GADL1: variants seen among roughly 807,000 people sequenced by gnomAD.
GADL1 encodes the protein acidic amino acid decarboxylase GADL1.
A neutral mutation model predicts 69.5 loss-of-function variants in GADL1; 71 were observed. The ratio of observed to expected loss-of-function variants is 1.02; its 90% confidence interval spans 0.84 to 1.25. The LOEUF is 1.25. GADL1 is among the 50% of genes most tolerant of loss of function. The pLI is 0.00. For synonymous variants in GADL1, 254 were observed against 214.4 expected (o/e 1.18, Z -1.62); for missense variants, 737 against 631.8 (o/e 1.17, Z -1.79).
chr3:30,764,003 C>T (rs1696206547), intron 14 of GADL1, among the ~76,000 whole-genome samples: 1 of 152,012 alleles, frequency 6.6e-6, no homozygotes. Context: ...AATATTTCTA[C>T]TAAACAAACC....
chr3:30,782,033 G>A (rs116197639), intron 13 of GADL1, among the ~76,000 whole-genome samples: 6 of 152,160 alleles, frequency 3.9e-5, no homozygotes, highest in African/African-American at 9.7e-5. Flanking sequence ...TATTGACTAG[G>A]CATCAGGACA....
At chr3:30,893,396 CTG>C (rs1416321080) in intron 1 of GADL1, among the ~76,000 whole-genome samples, 1 of 152,050 alleles carries the variant, frequency 6.6e-6, no homozygotes, top group Non-Finnish European at 1.5e-5. Flanking sequence ...GGTGAGAACA[CTG>C]AAATCCTCTC....
At chr3:30,782,726 G>A (rs916002151) in intron 13 of GADL1, among the ~76,000 whole-genome samples, 1 of 152,142 alleles carries the variant, frequency 6.6e-6, no homozygotes, top group African/African-American at 2.4e-5. Context: ...GGAGTGCCCT[G>A]ATGAAAAGTC....
At position 30,754,441 on chromosome 3, in the gene GADL1, T is replaced by C. The variant is rs147311600; in HGVS notation, c.1392+23738A>G. ...CTTAAAAGCATGAATCCTAAAGGGA[T>C]ATAGAAAAAAGCCTCATAGGAATGC... On this transcript the variant is annotated intron_variant, in intron 14 of 14. Transcript: ENST00000282538. Among the ~76,000 whole-genome samples, 155 of 152,182 alleles carry C rather than the reference T, an allele frequency of 1.0e-3. 1 individual carries two copies. The highest frequency in any genetic ancestry group is 3.5e-3 in the African/African-American group (147 of 41,534).
At chr3:30,801,184 C>T in intron 11 of GADL1, 96 bp from the exon 12 acceptor site, 4 of 879,278 alleles carry the variant, frequency 4.5e-6, no homozygotes, top group Non-Finnish European at 7.1e-6. Flanking sequence ...TATATTCTAC[C>T]TGTGCCAAGT....
chr3:30,865,918 T>A (rs1489929397), intron 1 of GADL1, among the ~76,000 whole-genome samples: 1 of 151,926 alleles, frequency 6.6e-6, no homozygotes, highest in Non-Finnish European at 1.5e-5. Context: ...TACCAATTCC[T>A]CCCCTCCATA....
At chr3:30,828,987 G>A (rs1697740112) in intron 11 of GADL1, among the ~76,000 whole-genome samples, 1 of 151,524 alleles carries the variant, frequency 6.6e-6, no homozygotes, top group Admixed American at 6.6e-5. Context: ...TACCTGTTGA[G>A]TTTTTTTTAA....
intron 9 of GADL1, among the ~76,000 whole-genome samples, chr3:30,836,046 T>C (rs1697868151): frequency 6.6e-6 from 1 of 152,052 alleles, no homozygotes; most frequent in Non-Finnish European, 1.5e-5. Flanking sequence ...TTTTCTTGAC[T>C]TTCATTACAT....
chr3:30,795,548 A>T (rs1457700807), intron 12 of GADL1, among the ~76,000 whole-genome samples: 1 of 152,162 alleles, frequency 6.6e-6, no homozygotes. Flanking sequence ...ATTTACTGCC[A>T]TACCACTGCA....
intron 14 of GADL1, among the ~76,000 whole-genome samples, chr3:30,740,960 TTATATATTATATATTAA>T (rs941652968): frequency 2.2e-5 from 3 of 134,868 alleles, no homozygotes; most frequent in South Asian, 2.2e-4. Flanking sequence ...AATATATTTA[TTATATATTATATATTAA>T]TATATATTAT....
At chr3:30,800,567 G>GC (rs1697137559) in intron 12 of GADL1, 1 of 293,926 alleles carries the variant, frequency 3.4e-6, no homozygotes, top group Admixed American at 4.8e-5. Flanking sequence ...CACTAGAGAA[G>GC]CCCTCCTGAT....
At chr3:30,888,337 A>C (rs1388998455) in intron 1 of GADL1, among the ~76,000 whole-genome samples, 1 of 152,134 alleles carries the variant, frequency 6.6e-6, no homozygotes, top group Non-Finnish European at 1.5e-5. Context: ...GAGTGTACAA[A>C]ATAATATTTG....
chr3:30,894,495 T>C, intron 1 of GADL1, 83 bp downstream of exon 1: 1 of 1,141,310 alleles, frequency 8.8e-7, no homozygotes, highest in Non-Finnish European at 1.3e-6. Context: ...ACCAAACTTC[T>C]AGTCCCCAGG....
intron 11 of GADL1, among the ~76,000 whole-genome samples, chr3:30,810,717 C>G (rs944864919): frequency 4.6e-5 from 7 of 152,116 alleles, no homozygotes; most frequent in Admixed American, 1.3e-4. Flanking sequence ...GCCCCCAGTC[C>G]TCTCTTGGCC....
chr3:30,768,542 G>A (rs561630075), intron 14 of GADL1, among the ~76,000 whole-genome samples: 2 of 133,076 alleles, frequency 1.5e-5, no homozygotes, highest in South Asian at 5.3e-4. Context: ...TTTTGAGAAG[G>A]AGAAGAGGGG....
At chr3:30,802,778 T>G (rs982024042) in intron 11 of GADL1, among the ~76,000 whole-genome samples, 2 of 152,174 alleles carry the variant, frequency 1.3e-5, no homozygotes, top group African/African-American at 4.8e-5. Context: ...AATATGCCCC[T>G]CATCCAGTAT....
chr3:30,881,980 G>A (rs1221263980), intron 1 of GADL1, among the ~76,000 whole-genome samples: 2 of 151,774 alleles, frequency 1.3e-5, no homozygotes, highest in African/African-American at 2.4e-5. Context: ...CTCAATCTTG[G>A]ACTTCTTAGC....
chr3:30,849,039 G>T lies in GADL1; in HGVS notation c.651+957C>A, dbSNP rs543647793. On this transcript the variant is annotated intron_variant, in intron 6 of 14. Coordinates refer to ENST00000282538, the MANE Select transcript of GADL1 (RefSeq NM_207359.3). Reference sequence around the variant, plus strand: ...CAGAAGTAACAATGGCCAGTTCTGAGGCTAAGACTCAAGAGGCCTGATGTG... The same window carrying T: ...CAGAAGTAACAATGGCCAGTTCTGATGCTAAGACTCAAGAGGCCTGATGTG... Among the ~76,000 whole-genome samples, 31 of 152,258 alleles carry T rather than the reference G, an allele frequency of 2.0e-4. No individual in the cohort carries two copies. In the South Asian group the frequency reaches 6.0e-3, roughly 30 times the overall value.
At chr3:30,753,094 GT>G (rs1695871608) in intron 14 of GADL1, among the ~76,000 whole-genome samples, 1 of 152,114 alleles carries the variant, frequency 6.6e-6, no homozygotes, top group Non-Finnish European at 1.5e-5. Context: ...CAATAAATAA[GT>G]GCAGTGTCTT....
Sources: allele counts gnomAD v4.1 joint callset (sites outside exome capture counted in the v4.1 genomes callset), GRCh38; gene constraint gnomAD v4.1.1; transcripts MANE v1.5; gene names NCBI Gene and HGNC (gene_info 2026-07-23, HGNC 2026-07-21).